The following VPS13A variants were observed in gnomAD, a reference collection of about 807,000 sequenced individuals.
VPS13A encodes the protein intermembrane lipid transfer protein VPS13A.
A neutral mutation model predicts 390.9 loss-of-function variants in VPS13A; 264 were observed. The observed-to-expected ratio is 0.68, with a 90% CI of 0.61 to 0.75. VPS13A has a LOEUF of 0.75. Ranked by LOEUF, VPS13A falls within the 30% of genes least tolerant of loss-of-function variation. VPS13A has a pLI of 0.00. For synonymous variants in VPS13A, 1,231 were observed against 1,227.1 expected (o/e 1.00, Z -0.07); for missense variants, 3,409 against 3,733.9 (o/e 0.91, Z 2.27).
chr9:77,385,062 C>T, intron 68 of VPS13A: 2 of 1,004,592 alleles, frequency 2.0e-6, no homozygotes, highest in Non-Finnish European at 2.4e-6. Context: ...ATTTTCTGGG[C>T]TTTAATGTAA....
intron 55 of VPS13A, 151 bp downstream of exon 55, chr9:77,357,018 TTATC>T (rs1169324322): frequency 4.1e-5 from 38 of 917,008 alleles, no homozygotes; most frequent in Non-Finnish European, 5.9e-5. Flanking sequence ...AAAGAGGTGT[TTATC>T]TATATTAAGA....
chr9:77,245,095 A>G (rs1824731365), intron 19 of VPS13A, among the ~76,000 whole-genome samples: 2 of 152,212 alleles, frequency 1.3e-5, no homozygotes, highest in African/African-American at 4.8e-5. Context: ...CATATTAAGC[A>G]GTTAGGATTT....
chr9:77,264,255 T>C (rs1000993667), intron 23 of VPS13A, among the ~76,000 whole-genome samples: 30 of 152,206 alleles, frequency 2.0e-4, no homozygotes, highest in Admixed American at 1.7e-3. Flanking sequence ...TTCTTTTTGC[T>C]TAGGATTGTC....
intron 19 of VPS13A, 152 bp from the exon 20 acceptor site, chr9:77,247,107 A>T: frequency 1.7e-6 from 1 of 599,874 alleles, no homozygotes. Flanking sequence ...CAGGTATTTT[A>T]AATTTTATAT....
At chr9:77,210,228 C>CCCTCG in intron 6 of VPS13A, among the ~76,000 whole-genome samples, 1 of 141,044 alleles carries the variant, frequency 7.1e-6, no homozygotes, top group Non-Finnish European at 1.5e-5. Flanking sequence ...CTCTCCCCTC[C>CCCTCG]CCTCCCCTTG....
chr9:77,223,465 T>C (rs764265360), intron 13 of VPS13A, among the ~76,000 whole-genome samples: 1 of 152,028 alleles, frequency 6.6e-6, no homozygotes, highest in African/African-American at 2.4e-5. Context: ...CTGAAGGAAA[T>C]TGAAAGTGCT....
chr9:77,213,515 G>C (rs75621035), intron 9 of VPS13A, among the ~76,000 whole-genome samples: 4 of 92,942 alleles, frequency 4.3e-5, no homozygotes, highest in African/African-American at 1.7e-4. Flanking sequence ...TTTTTTTTTT[G>C]AGACAAGGTC....
At chr9:77,411,318 T>C (rs576715298) in intron 71 of VPS13A, among the ~76,000 whole-genome samples, 5 of 152,112 alleles carry the variant, frequency 3.3e-5, no homozygotes, top group Admixed American at 2.0e-4. Flanking sequence ...TAGCACTAAA[T>C]GTCCACAAGA....
At chr9:77,186,051 T>C (rs1824313254) in intron 1 of VPS13A, among the ~76,000 whole-genome samples, 1 of 152,108 alleles carries the variant, frequency 6.6e-6, no homozygotes, top group African/African-American at 2.4e-5. Context: ...TCTCTTGAAC[T>C]GGGAGGCAGT....
intron 21 of VPS13A, 107 bp from the exon 22 acceptor site, chr9:77,252,127 TG>T: frequency 1.1e-6 from 1 of 893,502 alleles, no homozygotes; most frequent in Non-Finnish European, 1.9e-6. Flanking sequence ...TACCTAGATG[TG>T]GGGAAATTTC....
chr9:77,388,080 G>A (rs562252637), intron 68 of VPS13A, among the ~76,000 whole-genome samples: 3 of 152,168 alleles, frequency 2.0e-5, no homozygotes, highest in African/African-American at 7.2e-5. Flanking sequence ...AGATTTCCTT[G>A]CAAAATAGTA....
chr9:77,208,758 C>T (rs961122245), intron 5 of VPS13A, among the ~76,000 whole-genome samples: 3 of 152,114 alleles, frequency 2.0e-5, no homozygotes, highest in African/African-American at 7.2e-5. Context: ...CCATAGTGGC[C>T]AGGTTGGTCT....
At chr9:77,366,684 A>G in intron 60 of VPS13A, 43 bp from the exon 61 acceptor site, 1 of 1,524,124 alleles carries the variant, frequency 6.6e-7, no homozygotes, top group Non-Finnish European at 8.9e-7. Context: ...AATTGTCAAT[A>G]TGAAGAAAAT....
intron 68 of VPS13A, among the ~76,000 whole-genome samples, chr9:77,386,413 A>C (rs1184038014): frequency 6.6e-6 from 1 of 152,096 alleles, no homozygotes; most frequent in African/African-American, 2.4e-5. Context: ...TCCCAAATTT[A>C]CTGTGCTTGG....
At chr9:77,412,480 C>A (rs943870851) in intron 71 of VPS13A, among the ~76,000 whole-genome samples, 2 of 152,120 alleles carry the variant, frequency 1.3e-5, no homozygotes, top group Non-Finnish European at 2.9e-5. Flanking sequence ...ATAAACAGAA[C>A]CAATGACAAA....
rs556865512 is a variant in VPS13A at position 77,221,341 on chromosome 9, T to G, written c.1146T>G (p.Leu382=). Residue 382 remains leucine (L), a synonymous_variant, in exon 13 of 72, where the codon CTT becomes CTG. Transcript: ENST00000360280. ...KLTSKKPPGE[L]LVSLEELEKT... is the part of the protein sequence containing the mutation. Reference sequence around the variant, plus strand: ...CAAGTAAGAAGCCACCTGGTGAACTTCTCGTGTCTTTGGAGGTTAGCATTT... The same window carrying G: ...CAAGTAAGAAGCCACCTGGTGAACTGCTCGTGTCTTTGGAGGTTAGCATTT... 8 of 1,612,778 alleles carry G rather than the reference T, an allele frequency of 5.0e-6. No individual in the cohort carries two copies. Among genetic ancestry groups the G allele is most frequent in the Non-Finnish European group, 5.9e-6 (7 of 1,179,318 alleles).
intron 54 of VPS13A, among the ~76,000 whole-genome samples, chr9:77,356,237 C>A (rs190277836): frequency 6.6e-6 from 1 of 152,258 alleles, no homozygotes; most frequent in East Asian, 1.9e-4. Context: ...TTTTCCTCCT[C>A]TTGTCTGCTG....
intron 63 of VPS13A, among the ~76,000 whole-genome samples, chr9:77,369,943 T>G (rs1488822957): frequency 2.0e-5 from 3 of 152,220 alleles, no homozygotes; most frequent in African/African-American, 4.8e-5. Context: ...TATTAAAGAC[T>G]TATCAAGAGT....
At chr9:77,215,236 G>C (rs1271465050) in intron 10 of VPS13A, among the ~76,000 whole-genome samples, 1 of 152,196 alleles carries the variant, frequency 6.6e-6, no homozygotes, top group East Asian at 1.9e-4. Flanking sequence ...TTGCATGCCT[G>C]ATGTCATTAA....
Sources: allele counts gnomAD v4.1 joint callset (sites outside exome capture counted in the v4.1 genomes callset), GRCh38; gene constraint gnomAD v4.1.1; transcripts MANE v1.5; gene names NCBI Gene and HGNC (gene_info 2026-07-23, HGNC 2026-07-21).